EFCAB8: variants seen among roughly 807,000 people sequenced by gnomAD.
EFCAB8 encodes the protein EF-hand calcium binding domain 8, also known as EF-hand calcium-binding domain-containing protein 8.
A neutral mutation model predicts 116.3 loss-of-function variants in EFCAB8; 100 were observed. The ratio of observed to expected loss-of-function variants is 0.86; its 90% CI spans 0.73 to 1.02. The LOEUF is 1.02. Among genes scored for constraint, EFCAB8 ranks in the 50% least tolerant of loss-of-function variants. The pLI is 0.00. For missense variants in EFCAB8, 1,320 were observed against 1,416.9 expected (o/e 0.93, Z 1.10); for synonymous variants, 558 against 567.9 (o/e 0.98, Z 0.25).
intron 5 of EFCAB8, among the ~76,000 whole-genome samples, chr20:32,881,673 C>G (rs1171921515): frequency 6.6e-6 from 1 of 152,182 alleles, no homozygotes; most frequent in Non-Finnish European, 1.5e-5. Flanking sequence ...AGCCACTGTG[C>G]CTATCTGGAT....
chr20:32,866,724 TCTTC>T (rs147496701), intron 2 of EFCAB8, among the ~76,000 whole-genome samples: 3,962 of 151,042 alleles, frequency 0.026, 67 homozygotes, highest in Middle Eastern at 0.048. Context: ...CCTGGGGTTT[TCTTC>T]CTTCCTTCCT....
chr20:32,863,322 C>T (rs912010708), intron 1 of EFCAB8, among the ~76,000 whole-genome samples: 3 of 152,142 alleles, frequency 2.0e-5, no homozygotes, highest in Non-Finnish European at 2.9e-5. Flanking sequence ...TCTGCTCTCC[C>T]GAAGTCCTGG....
rs1455266279 is a variant in EFCAB8, at chr20:32,918,514, G to A, written c.2214G>A (p.Ser738=). Residue 738 remains serine, a synonymous_variant, in exon 19 of 27, where the codon TCG becomes TCA. Coordinates refer to ENST00000400522, the MANE Select transcript of EFCAB8 (RefSeq NM_001143967.2). ...CCAACCTGAGGCGGAGCCTGGTGTC[G>A]GCTCCCCCAGTGATGCGGTGCCCGA... The part of the protein sequence containing the change: ...ANTNLRRSLV[S]APPVMRCPRD... 9.7e-6 allele frequency: 15 copies of A among 1,551,566 alleles called. No individual in the cohort carries two copies. In the East Asian group the frequency reaches 1.2e-4, roughly 13 times the overall value.
At chr20:32,917,255 T>G (rs912942895) in intron 17 of EFCAB8, 46 bp from the exon 18 acceptor site, 1 of 1,434,332 alleles carries the variant, frequency 7.0e-7, no homozygotes, top group Middle Eastern at 2.0e-4. Context: ...GGATGGAGCA[T>G]TACAGGCTGA....
chr20:32,959,243 G>A (rs986489956), intron 24 of EFCAB8, among the ~76,000 whole-genome samples: 1 of 152,220 alleles, frequency 6.6e-6, no homozygotes, highest in Non-Finnish European at 1.5e-5. Flanking sequence ...TAAGTAATGA[G>A]AGTATTAGGA....
chr20:32,859,344 G>A (rs1428961344), intron 1 of EFCAB8, among the ~76,000 whole-genome samples: 1 of 152,164 alleles, frequency 6.6e-6, no homozygotes, highest in East Asian at 1.9e-4. Flanking sequence ...GATCTGACCT[G>A]TTCTCCAATT....
In EFCAB8 at chr20:32,911,522, G is replaced by T. The variant is rs1331399554; in HGVS notation, c.1600G>T (p.Val534Phe). ...GCGCGGCACAGTGAGTGTGTGGGAG[G>T]TCGTGACGGGCAGGAAGACGATGGA... ...CLRGTVSVWE[V>F]VTGRKTMEFA... Residue 534 changes from valine to phenylalanine, a missense_variant, in exon 16 of 27, where the codon GTC becomes TTC. Coordinates refer to ENST00000400522, the MANE Select transcript of EFCAB8 (RefSeq NM_001143967.2). 2.6e-6 allele frequency: 4 copies of T among 1,512,478 alleles called. No individual in the cohort carries two copies. The highest frequency in any genetic ancestry group is 2.7e-6 in the Non-Finnish European group (3 of 1,124,700). The allele number at this position is 1,512,478 out of a possible 1,614,324, so 93.7% of individuals were successfully genotyped here. A position where few individuals can be genotyped will look rare whatever the true frequency, so the allele number is the denominator to read the frequency against.
rs761865753 is a variant in EFCAB8, at chr20:32,918,585, G to C, written c.2274+11G>C. The stretch of plus-strand genomic sequence containing the variant: ...CCTGTGCCCCAGCAGGTGGGAGCGA[G>C]AGCCCAACCAGAAGGCTACCCTCAC... On this transcript the variant is annotated intron_variant, in intron 19 of 26. Coordinates refer to ENST00000400522, the MANE Select transcript of EFCAB8 (RefSeq NM_001143967.2). 6.4e-7 allele frequency: 1 copy of C among 1,551,156 alleles called. No individual in the cohort carries two copies. Among genetic ancestry groups the C allele is most frequent in the South Asian group, 1.2e-5 (1 of 84,038 alleles).
chr20:32,892,233 C>CA lies in EFCAB8; in HGVS notation c.695dup (p.His232GlnfsTer11). The CA allele has an allele frequency of 6.4e-7, 1 of 1,551,662 alleles. No individual in the cohort carries two copies. Among genetic ancestry groups the CA allele is most frequent in the Non-Finnish European group, 8.7e-7 (1 of 1,146,992 alleles). On this transcript the variant is annotated frameshift_variant, in exon 8 of 27. Transcript: ENST00000400522. LOFTEE classifies it high-confidence loss of function. The stretch of plus-strand genomic sequence containing the variant: ...CCCAGATTTCTTTGATATTAGTGAC[C>CA]ACAAATGTGTCCGGGCCTTCACCTT...
intron 22 of EFCAB8, among the ~76,000 whole-genome samples, chr20:32,932,231 G>T (rs1465920652): frequency 6.6e-6 from 1 of 152,190 alleles, no homozygotes; most frequent in African/African-American, 2.4e-5. Context: ...ACAAAAATCA[G>T]CTGGGTGTGG....
chr20:32,884,104 G>A (rs1315890248), intron 5 of EFCAB8, among the ~76,000 whole-genome samples: 1 of 152,220 alleles, frequency 6.6e-6, no homozygotes, highest in Non-Finnish European at 1.5e-5. Context: ...AGAATGTCAA[G>A]AGGCTTGTTC....
intron 23 of EFCAB8, among the ~76,000 whole-genome samples, chr20:32,956,301 G>A (rs1988962914): frequency 6.6e-6 from 1 of 151,810 alleles, no homozygotes; most frequent in Non-Finnish European, 1.5e-5. Flanking sequence ...ATTTCTTTCA[G>A]CAGTCAATTT....
At chr20:32,899,059 A>G (rs994990174) in intron 11 of EFCAB8, among the ~76,000 whole-genome samples, 9 of 151,954 alleles carry the variant, frequency 5.9e-5, no homozygotes, top group Non-Finnish European at 1.3e-4. Flanking sequence ...AGATTCCTCT[A>G]CCCTAGAGTG....
intron 1 of EFCAB8, among the ~76,000 whole-genome samples, chr20:32,862,040 TTG>T (rs1297470975): frequency 2.0e-5 from 3 of 152,194 alleles, no homozygotes; most frequent in Non-Finnish European, 4.4e-5. Flanking sequence ...CCTAGCTGTC[TTG>T]TGTGTTTCTC....
At chr20:32,960,278 T>A in intron 26 of EFCAB8, 117 bp downstream of exon 26, 2 of 963,606 alleles carry the variant, frequency 2.1e-6, no homozygotes, top group Non-Finnish European at 3.1e-6. Context: ...ACAGGAGCCT[T>A]TGTCCTTTAA....
At chr20:32,877,792 A>G (rs1176076512) in intron 4 of EFCAB8, among the ~76,000 whole-genome samples, 2 of 152,158 alleles carry the variant, frequency 1.3e-5, no homozygotes, top group Non-Finnish European at 2.9e-5. Context: ...ATGTTTGAGC[A>G]TGGGCATCTC....
chr20:32,896,622 T>C, intron 10 of EFCAB8, 95 bp downstream of exon 10: 1 of 689,708 alleles, frequency 1.4e-6, no homozygotes, highest in South Asian at 1.6e-5. Flanking sequence ...ACTCCCTGGG[T>C]TCAGTCTTAG....
intron 22 of EFCAB8, among the ~76,000 whole-genome samples, chr20:32,942,717 T>C (rs186242734): frequency 4.6e-5 from 7 of 152,314 alleles, no homozygotes; most frequent in African/African-American, 1.7e-4. Context: ...ATCACTTTCT[T>C]AGAGAAAAGA....
intron 23 of EFCAB8, among the ~76,000 whole-genome samples, chr20:32,957,041 A>G (rs1188455563): frequency 6.7e-6 from 1 of 148,952 alleles, no homozygotes; most frequent in Non-Finnish European, 1.5e-5. Context: ...TTCTGTATGC[A>G]GCTTGCTATT....
Sources: allele counts gnomAD v4.1 joint callset (sites outside exome capture counted in the v4.1 genomes callset), GRCh38; gene constraint gnomAD v4.1.1; transcripts MANE v1.5; gene names NCBI Gene and HGNC (gene_info 2026-07-23, HGNC 2026-07-21).